The following ARPP21 variants were observed in gnomAD, a reference collection of about 807,000 sequenced individuals.
ARPP21 encodes cAMP regulated phosphoprotein 21.
In ARPP21, 69 loss-of-function variants were observed where a neutral mutation model predicts 113.2. The observed-to-expected ratio is 0.61, with a 90% CI of 0.50 to 0.74. The LOEUF is 0.74. Among genes scored for constraint, ARPP21 ranks in the 30% least tolerant of loss-of-function variants. ARPP21 has a pLI of 0.00. For synonymous variants in ARPP21, 368 were observed against 375.5 expected, an observed-to-expected ratio of 0.98 and a Z score of 0.23; for missense variants, 1,070 against 1,037.4, an observed-to-expected ratio of 1.03 and a Z score of -0.43.
chr3:35,776,345 A>G (rs1559930209), intron 19 of ARPP21, among the ~76,000 whole-genome samples: 1 of 152,176 alleles, frequency 6.6e-6, no homozygotes. Flanking sequence ...CAAGGGACTC[A>G]GATGTGTTAG....
intron 1 of ARPP21, among the ~76,000 whole-genome samples, chr3:35,678,066 G>A (rs531733425): frequency 1.3e-4 from 19 of 151,962 alleles, no homozygotes; most frequent in Admixed American, 3.9e-4. Context: ...TGGTAATTAC[G>A]CATACACATA....
At chr3:35,770,568 A>C (rs1012105793) in intron 19 of ARPP21, among the ~76,000 whole-genome samples, 1 of 152,206 alleles carries the variant, frequency 6.6e-6, no homozygotes, top group Non-Finnish European at 1.5e-5. Context: ...GAATGGTCTG[A>C]AGACACACCC....
intron 19 of ARPP21, among the ~76,000 whole-genome samples, chr3:35,783,991 C>T (rs146439184): frequency 9.9e-5 from 15 of 152,236 alleles, no homozygotes; most frequent in Admixed American, 5.9e-4. Flanking sequence ...AAGCTTTCCA[C>T]TGCATGCTTC....
chr3:35,744,389 A>G (rs1024479338), intron 19 of ARPP21: 1 of 448,832 alleles, frequency 2.2e-6, no homozygotes, highest in South Asian at 1.7e-5. Context: ...AAGGCTATTG[A>G]CAATCCAGCG....
chr3:35,653,773 C>T lies in ARPP21; in HGVS notation c.-213+13375C>T, dbSNP rs150125252. The stretch of plus-strand genomic sequence containing the variant: ...CTTGTTCCTGCTTTCTCTACATGTA[C>T]TGACTATCCATTAAAACATTGAAAC... On this transcript the variant is annotated intron_variant, in intron 1 of 20. Coordinates refer to ENST00000684406, the MANE Select transcript of ARPP21 (RefSeq NM_001385562.1). Among the ~76,000 whole-genome samples, 12 of 152,158 alleles carry T rather than the reference C, an allele frequency of 7.9e-5. No individual in the cohort carries two copies. The East Asian group carries it at 2.3e-3, about 29-fold the overall frequency.
chr3:35,690,151 C>T lies in ARPP21; in HGVS notation c.545+11C>T, dbSNP rs1378891145. 2 of 1,340,096 alleles carry T rather than the reference C, an allele frequency of 1.5e-6. No individual in the cohort carries two copies. The highest frequency in any genetic ancestry group is 1.7e-5 in the Admixed American group (1 of 59,220). 83.0% of individuals were successfully genotyped at this position (1,340,096 alleles called of 1,614,324 possible). Reference sequence around the variant, plus strand: ...CATTGCTGACAACAAGTATGTTAAACTTCAATGCTGGTTAATTTGATCATG... The same window carrying T: ...CATTGCTGACAACAAGTATGTTAAATTTCAATGCTGGTTAATTTGATCATG... On this transcript the variant is annotated intron_variant, in intron 8 of 20. Coordinates refer to ENST00000684406, the MANE Select transcript of ARPP21 (RefSeq NM_001385562.1).
At chr3:35,690,665 G>T (rs1431307324) in intron 8 of ARPP21, among the ~76,000 whole-genome samples, 200 bp from the exon 9 acceptor site, 1 of 151,548 alleles carries the variant, frequency 6.6e-6, no homozygotes, top group East Asian at 2.0e-4. Flanking sequence ...ATGAAACAAA[G>T]ATGTTTATTG....
intron 19 of ARPP21, chr3:35,785,119 C>A (rs1461334264): frequency 6.6e-6 from 1 of 152,096 alleles, no homozygotes; most frequent in Admixed American, 6.6e-5. Context: ...TTGACTTTGC[C>A]CCAAGCTTGG....
At chr3:35,766,416 G>A (rs755612812) in intron 19 of ARPP21, among the ~76,000 whole-genome samples, 3 of 152,156 alleles carry the variant, frequency 2.0e-5, no homozygotes, top group Non-Finnish European at 2.9e-5. Context: ...AGGAGAAGAA[G>A]CACTAACACA....
intron 9 of ARPP21, among the ~76,000 whole-genome samples, chr3:35,696,749 A>C (rs1203410023): frequency 6.6e-6 from 1 of 151,550 alleles, no homozygotes; most frequent in Non-Finnish European, 1.5e-5. Flanking sequence ...ATAATGTTAC[A>C]TTTTTGATAT....
In ARPP21 at chr3:35,794,073, C is replaced by A; in HGVS notation, c.*115C>A. On this transcript the variant is annotated 3_prime_UTR_variant, in exon 21 of 21. Coordinates refer to ENST00000684406, the MANE Select transcript of ARPP21 (RefSeq NM_001385562.1). ...TATTCACTCAACACTCAAATGATTG[C>A]TGCTGGTATTCTGTAAAAAATAAAC... 3.4e-6 allele frequency: 3 copies of A among 895,464 alleles called. No individual in the cohort carries two copies. Among genetic ancestry groups the A allele is most frequent in the Non-Finnish European group, 5.1e-6 (3 of 584,052 alleles). The allele number at this position is 895,464 out of a possible 1,614,324, so 55.5% of individuals were successfully genotyped here. A position where few individuals can be genotyped will look rare whatever the true frequency, so the allele number is the denominator to read the frequency against.
chr3:35,730,046 A>G (rs2093835781), intron 15 of ARPP21, among the ~76,000 whole-genome samples: 1 of 152,238 alleles, frequency 6.6e-6, no homozygotes, highest in South Asian at 2.1e-4. Flanking sequence ...TATGAAAGGA[A>G]TAAGAAACAG....
intron 14 of ARPP21, among the ~76,000 whole-genome samples, chr3:35,728,753 G>T (rs914526478): frequency 6.6e-6 from 1 of 152,020 alleles, no homozygotes; most frequent in Non-Finnish European, 1.5e-5. Flanking sequence ...ATGATCCCAG[G>T]TCTTCTACTC....
intron 1 of ARPP21, chr3:35,642,396 G>A (rs1698408968): frequency 6.6e-6 from 1 of 152,170 alleles, no homozygotes; most frequent in African/African-American, 2.4e-5. Flanking sequence ...ACTGGACAAG[G>A]ATATTTGGAA....
chr3:35,717,284 T>C lies in ARPP21; in HGVS notation c.936-14T>C. 2 of 1,559,408 alleles carry C rather than the reference T, an allele frequency of 1.3e-6. No homozygotes were observed. The highest frequency in any genetic ancestry group is 1.8e-6 in the Non-Finnish European group (2 of 1,131,026). ...TAGGTTTTATATCATAAAAATCATG[T>C]TTTTCATTTCCAGTAGGCTCTTGGA... On this transcript the variant is annotated splice_polypyrimidine_tract_variant and intron_variant, in intron 12 of 20. Transcript: ENST00000684406.
At chr3:35,768,978 C>T (rs571617481) in intron 19 of ARPP21, among the ~76,000 whole-genome samples, 15 of 152,160 alleles carry the variant, frequency 9.9e-5, no homozygotes, top group Non-Finnish European at 1.8e-4. Context: ...TATGTTAAGC[C>T]TAAGTGAAAG....
intron 1 of ARPP21, among the ~76,000 whole-genome samples, chr3:35,660,193 A>G (rs1461592312): frequency 6.6e-6 from 1 of 152,144 alleles, no homozygotes; most frequent in Non-Finnish European, 1.5e-5. Flanking sequence ...TTACTGAAAA[A>G]TCTTTTAAAT....
At chr3:35,655,749 T>G (rs189184111) in intron 1 of ARPP21, among the ~76,000 whole-genome samples, 117 of 152,190 alleles carry the variant, frequency 7.7e-4, no homozygotes, top group Non-Finnish European at 1.4e-3. Flanking sequence ...AAATCTCAGA[T>G]GGTGGCCCTC....
rs186379984 is a variant in ARPP21 at position 35,722,344 on chromosome 3, G to A, written c.1225+510G>A. Among the ~76,000 whole-genome samples the A allele has an allele frequency of 2.5e-3, 386 of 152,198 alleles. 2 individuals carry two copies. Among genetic ancestry groups the A allele is most frequent in the African/African-American group, 8.6e-3 (358 of 41,528 alleles). On this transcript the variant is annotated intron_variant, in intron 14 of 20. Coordinates refer to ENST00000684406, the MANE Select transcript of ARPP21 (RefSeq NM_001385562.1). ...TCTTGCATTGGAATGCTGTTAGTAC[G>A]ATCCTGGACCTGGTTTTTAACCATT...
Sources: allele counts gnomAD v4.1 joint callset (sites outside exome capture counted in the v4.1 genomes callset), GRCh38; gene constraint gnomAD v4.1.1; transcripts MANE v1.5; gene names NCBI Gene and HGNC (gene_info 2026-07-23, HGNC 2026-07-21).